Variants in ROS1 observed in about 807,000 individuals in gnomAD.
The protein encoded by ROS1 is ROS proto-oncogene 1, receptor tyrosine kinase, also known as proto-oncogene tyrosine-protein kinase ROS.
In ROS1, 263 loss-of-function variants were observed where a neutral mutation model predicts 273.5. The observed-to-expected ratio is 0.96, with a 90% CI of 0.87 to 1.06. ROS1 has a LOEUF of 1.06. Among genes scored for constraint, ROS1 ranks in the 50% least tolerant of loss-of-function variants. The probability of loss-of-function intolerance (pLI) is 0.00; values close to 1 mark genes in which losing one functional copy is unlikely to be tolerated. For missense variants in ROS1, 2,833 were observed against 2,751.1 expected, an observed-to-expected ratio of 1.03 and a Z score of -0.67; for synonymous variants, 1,008 against 954.1, an observed-to-expected ratio of 1.06 and a Z score of -1.04.
intron 4 of ROS1, among the ~76,000 whole-genome samples, chr6:117,414,242 C>A (rs1167985881): frequency 6.6e-6 from 1 of 152,076 alleles, no homozygotes; most frequent in Non-Finnish European, 1.5e-5. Context: ...CCTCCCAAAC[C>A]AGATTAGAGT....
At chr6:117,421,558 C>A (rs1350599987) in intron 1 of ROS1, among the ~76,000 whole-genome samples, 1 of 152,084 alleles carries the variant, frequency 6.6e-6, no homozygotes, top group Non-Finnish European at 1.5e-5. Context: ...AGAATAATGG[C>A]CTCCAGCTCC....
In ROS1 at chr6:117,311,094, C is replaced by T. The variant is rs766298478; in HGVS notation, c.6141G>A (p.Leu2047=). 2 of 1,608,572 alleles carry T rather than the reference C, an allele frequency of 1.2e-6. No homozygotes were observed. The highest frequency in any genetic ancestry group is 1.3e-5 in the African/African-American group (1 of 74,492). The stretch of plus-strand genomic sequence containing the variant: ...CTACACACAGGTCTACAAGGTCAAC[C>T]AAGGTGAGTAAAGGACCATAAAACT... ...MATFYGPLLT[L]VDLVDLCVDI... The change falls in exon 40 of 44, where the codon TTG becomes TTA. Residue 2047 remains leucine (L), a synonymous_variant. Coordinates refer to ENST00000368507, the MANE Select transcript of ROS1 (RefSeq NM_001378902.1).
rs565561217 is a variant in ROS1, at chr6:117,309,065, G to A, written c.6417-137C>T. The A allele has an allele frequency of 2.4e-4, 170 of 722,724 alleles. 1 individual carries two copies. Among genetic ancestry groups the A allele is most frequent in the African/African-American group, 2.1e-3 (116 of 55,652 alleles). The allele number at this position is 722,724 out of a possible 1,614,324, so 44.8% of individuals were successfully genotyped here. On this transcript the variant is annotated intron_variant, in intron 41 of 43. Coordinates refer to ENST00000368507, the MANE Select transcript of ROS1 (RefSeq NM_001378902.1). ...ATTATTGGCCTCATAAAAGGCAAAC[G>A]GCAGATATAAAAGCAGGCTGACAAG...
At chr6:117,409,780 G>A (rs965356230) in intron 4 of ROS1, 138 bp from the exon 5 acceptor site, 12 of 687,866 alleles carry the variant, frequency 1.7e-5, no homozygotes, top group South Asian at 6.4e-5. Flanking sequence ...CTTTGAAATC[G>A]GAGTGCCTAA....
At chr6:117,293,647 AAC>A in intron 43 of ROS1, among the ~76,000 whole-genome samples, 1 of 152,284 alleles carries the variant, frequency 6.6e-6, no homozygotes, top group East Asian at 1.9e-4. Context: ...ATACAGCAAG[AAC>A]AGTTACTGAG....
chr6:117,366,625 T>G (rs1780269500), intron 18 of ROS1, among the ~76,000 whole-genome samples: 1 of 152,160 alleles, frequency 6.6e-6, no homozygotes, highest in East Asian at 1.9e-4. Flanking sequence ...GATACTCTCC[T>G]GTTTCACCCT....
At chr6:117,290,210 C>A (rs1297980816) in intron 43 of ROS1, among the ~76,000 whole-genome samples, 1 of 152,082 alleles carries the variant, frequency 6.6e-6, no homozygotes, top group Non-Finnish European at 1.5e-5. Flanking sequence ...ATTGAATTTT[C>A]TGAAAAATAA....
At chr6:117,308,757 T>C in intron 42 of ROS1, 37 bp downstream of exon 42, 1 of 1,599,296 alleles carries the variant, frequency 6.3e-7, no homozygotes, top group Non-Finnish European at 8.5e-7. Context: ...CACATGTTTT[T>C]GTTTGGGGGA....
chr6:117,370,802 G>A (rs1278400493), intron 18 of ROS1, among the ~76,000 whole-genome samples: 3 of 151,950 alleles, frequency 2.0e-5, no homozygotes, highest in Admixed American at 6.6e-5. Flanking sequence ...GAGATAAAAT[G>A]GAATACTAAA....
At chr6:117,405,731 AG>A (rs1230743128) in intron 5 of ROS1, among the ~76,000 whole-genome samples, 4 of 152,216 alleles carry the variant, frequency 2.6e-5, no homozygotes, top group Non-Finnish European at 5.9e-5. Flanking sequence ...CAAATGAAAA[AG>A]GGAAGCTAGA....
At chr6:117,418,230 A>T (rs1775479248) in intron 2 of ROS1, among the ~76,000 whole-genome samples, 1 of 136,292 alleles carries the variant, frequency 7.3e-6, no homozygotes, top group Admixed American at 7.3e-5. Flanking sequence ...CCAAAGCCAC[A>T]CAATTACATA....
At chr6:117,421,303 G>GTT (rs1693751580) in intron 1 of ROS1, among the ~76,000 whole-genome samples, 1 of 149,938 alleles carries the variant, frequency 6.7e-6, no homozygotes, top group Non-Finnish European at 1.5e-5. Context: ...GTGGTTTTTG[G>GTT]TTACATGGAT....
At chr6:117,324,294 C>G (rs751336198) in intron 35 of ROS1, 38 bp downstream of exon 35, 12 of 923,940 alleles carry the variant, frequency 1.3e-5, no homozygotes, top group Admixed American at 4.1e-5. Flanking sequence ...ATTAAGTAAA[C>G]AGTTTGTTGC....
intron 43 of ROS1, among the ~76,000 whole-genome samples, chr6:117,298,345 A>G (rs1774415802): frequency 3.9e-5 from 6 of 152,148 alleles, no homozygotes; most frequent in Non-Finnish European, 8.8e-5. Flanking sequence ...ATTTTAAAAA[A>G]AAGAGGAGTG....
At position 117,358,099 on chromosome 6, in the gene ROS1, C is replaced by T. The variant is rs532974031; in HGVS notation, c.3634-90G>A. 23 of 795,662 alleles carry T rather than the reference C, an allele frequency of 2.9e-5. No homozygotes were observed. The African/African-American group carries it at 3.5e-4, about 12-fold the overall frequency. 49.3% of individuals were successfully genotyped at this position (795,662 alleles called of 1,614,324 possible). A position where few individuals can be genotyped will look rare whatever the true frequency, so the allele number is the denominator to read the frequency against. ...TATATTCACCCATATCATTTGTTTA[C>T]TGCACTTCTCATTTGTAATCCCAAA... On this transcript the variant is annotated intron_variant, in intron 24 of 43. Transcript: ENST00000368507.
intron 7 of ROS1, among the ~76,000 whole-genome samples, chr6:117,402,057 C>T (rs9398458): frequency 0.064 from 9,686 of 152,204 alleles, 383 homozygotes; most frequent in Middle Eastern, 0.095. Context: ...GCCAGTTTTC[C>T]TTTTAATGTA....
At chr6:117,360,643 T>A (rs893604111) in intron 22 of ROS1, among the ~76,000 whole-genome samples, 1 of 152,138 alleles carries the variant, frequency 6.6e-6, no homozygotes, top group Admixed American at 6.5e-5. Context: ...GGAACAAATC[T>A]CTCTTGCTAA....
In ROS1 at chr6:117,364,941, T is replaced by C. The variant is rs779701426; in HGVS notation, c.3103+119A>G. The C allele has an allele frequency of 5.5e-6, 5 of 912,020 alleles. No individual in the cohort carries two copies. In the Admixed American group the frequency reaches 1.1e-4, roughly 20 times the overall value. 56.5% of individuals were successfully genotyped at this position (912,020 alleles called of 1,614,324 possible). Reference sequence around the variant, plus strand: ...TCTCCAAAAAGTCATTGAAAGGGTATTGAATCTAAACACATCTATAAAACT... The same window carrying C: ...TCTCCAAAAAGTCATTGAAAGGGTACTGAATCTAAACACATCTATAAAACT... On this transcript the variant is annotated intron_variant, in intron 21 of 43. Transcript: ENST00000368507.
At chr6:117,337,716 G>T (rs902836395) in intron 31 of ROS1, among the ~76,000 whole-genome samples, 1 of 151,940 alleles carries the variant, frequency 6.6e-6, no homozygotes, top group African/African-American at 2.4e-5. Flanking sequence ...TCAAAACAAT[G>T]GTAATTTCAA....
Sources: allele counts gnomAD v4.1 joint callset (sites outside exome capture counted in the v4.1 genomes callset), GRCh38; gene constraint gnomAD v4.1.1; transcripts MANE v1.5; gene names NCBI Gene and HGNC (gene_info 2026-07-23, HGNC 2026-07-21).